GRM1: variants seen among roughly 807,000 people sequenced by gnomAD.
The protein encoded by GRM1 is metabotropic glutamate receptor 1.
A neutral mutation model predicts 90.9 loss-of-function variants in GRM1; 33 were observed. The observed-to-expected ratio is 0.36, with a 90% CI of 0.28 to 0.49. The LOEUF (loss-of-function observed/expected upper bound fraction) is 0.49, where lower values mean the gene tolerates loss of function less well. Ranked by LOEUF, GRM1 falls within the 20% of genes least tolerant of loss-of-function variation. The probability of loss-of-function intolerance (pLI) is 0.99; values close to 1 mark genes in which losing one functional copy is unlikely to be tolerated. For synonymous variants in GRM1, 700 were observed against 613.2 expected (o/e 1.14, Z -2.09); for missense variants, 1,190 against 1,534.3 (o/e 0.78, Z 3.75).
chr6:146,216,614 C>T (rs1159485873), intron 2 of GRM1, among the ~76,000 whole-genome samples: 1 of 152,200 alleles, frequency 6.6e-6, no homozygotes, highest in African/African-American at 2.4e-5. Context: ...CACAATTTAA[C>T]AGTGTAACAG....
intron 1 of GRM1, among the ~76,000 whole-genome samples, chr6:146,137,157 A>G (rs995617653): frequency 1.3e-5 from 2 of 152,078 alleles, no homozygotes; most frequent in Admixed American, 6.6e-5. Flanking sequence ...CCGGCCGCAG[A>G]AGCTTTTTAA....
intron 2 of GRM1, among the ~76,000 whole-genome samples, chr6:146,217,349 A>T (rs778145740): frequency 1.3e-5 from 2 of 152,188 alleles, no homozygotes; most frequent in Non-Finnish European, 2.9e-5. Context: ...CAATACCTTG[A>T]GTTGGTGCAT....
intron 2 of GRM1, among the ~76,000 whole-genome samples, chr6:146,221,462 T>A (rs960394133): frequency 6.6e-6 from 1 of 152,192 alleles, no homozygotes. Flanking sequence ...TTTCTGTTCC[T>A]GTGTTAGTTT....
At chr6:146,102,656 A>G (rs908222643) in intron 1 of GRM1, among the ~76,000 whole-genome samples, 4 of 152,214 alleles carry the variant, frequency 2.6e-5, no homozygotes, top group African/African-American at 9.6e-5. Context: ...TGATGAACTA[A>G]TAACTGCAGA....
At chr6:146,267,617 GGGA>G (rs1781941119) in intron 2 of GRM1, among the ~76,000 whole-genome samples, 1 of 148,582 alleles carries the variant, frequency 6.7e-6, no homozygotes, top group South Asian at 2.1e-4. Context: ...GATGTAGGCT[GGGA>G]GGCTGGGCTG....
intron 1 of GRM1, among the ~76,000 whole-genome samples, chr6:146,114,491 C>T (rs970815781): frequency 1.3e-5 from 2 of 152,010 alleles, no homozygotes; most frequent in African/African-American, 2.4e-5. Flanking sequence ...ATTGCAAAAC[C>T]AAACCAAATC....
intron 2 of GRM1, among the ~76,000 whole-genome samples, chr6:146,241,741 G>A (rs1200072280): frequency 6.6e-6 from 1 of 152,040 alleles, no homozygotes; most frequent in Non-Finnish European, 1.5e-5. Flanking sequence ...ATTTCTGTAA[G>A]AGCCCTACTC....
At chr6:146,298,748 G>A (rs1429005018) in intron 2 of GRM1, among the ~76,000 whole-genome samples, 2 of 152,132 alleles carry the variant, frequency 1.3e-5, no homozygotes, top group Non-Finnish European at 2.9e-5. Context: ...TCTAAGCCCT[G>A]ATGGGCTCAT....
intron 1 of GRM1, among the ~76,000 whole-genome samples, chr6:146,085,397 T>C (rs919964092): frequency 1.3e-5 from 2 of 152,144 alleles, no homozygotes; most frequent in African/African-American, 4.8e-5. Context: ...TGACCAGTTT[T>C]CGGAGAAGAA....
intron 2 of GRM1, among the ~76,000 whole-genome samples, chr6:146,297,649 A>AG (rs1041496314): frequency 1.3e-5 from 2 of 152,166 alleles, no homozygotes; most frequent in East Asian, 1.9e-4. Context: ...TGGGTCTGTT[A>AG]GGGGGGATTT....
intron 1 of GRM1, among the ~76,000 whole-genome samples, chr6:146,150,422 T>G (rs954022457): frequency 1.1e-4 from 16 of 152,176 alleles, no homozygotes; most frequent in Admixed American, 2.6e-4. Context: ...AAAAAATTAT[T>G]TTTATTTTTG....
intron 1 of GRM1, among the ~76,000 whole-genome samples, chr6:146,137,148 C>G (rs568518547): frequency 6.6e-6 from 1 of 152,048 alleles, no homozygotes; most frequent in Non-Finnish European, 1.5e-5. Context: ...CTACCATGCC[C>G]GGCCGCAGAA....
intron 1 of GRM1, among the ~76,000 whole-genome samples, chr6:146,040,347 C>A (rs907135208): frequency 1.3e-5 from 2 of 151,920 alleles, no homozygotes; most frequent in Non-Finnish European, 1.5e-5. Context: ...AATTTTTATA[C>A]TTTTACCTGT....
At chr6:146,206,920 T>C (rs1248114589) in intron 2 of GRM1, among the ~76,000 whole-genome samples, 1 of 152,216 alleles carries the variant, frequency 6.6e-6, no homozygotes, top group East Asian at 1.9e-4. Context: ...TTTCTGTTCC[T>C]GCATTAATTT....
intron 1 of GRM1, among the ~76,000 whole-genome samples, chr6:146,058,977 A>G (rs1392394329): frequency 1.3e-5 from 2 of 152,102 alleles, no homozygotes; most frequent in African/African-American, 2.4e-5. Context: ...TTCTCCATTG[A>G]AGTCTTAAAC....
Position 146,437,560 on chromosome 6 carries a change from A to G in GRM1, c.*2764A>G, listed in dbSNP as rs1333188072. 1 of 152,610 alleles carries G rather than the reference A, an allele frequency of 6.6e-6. No individual in the cohort carries two copies. The highest frequency in any genetic ancestry group is 1.9e-4 in the East Asian group (1 of 5,190). 9.5% of individuals were successfully genotyped at this position (152,610 alleles called of 1,614,324 possible). A position where few individuals can be genotyped will look rare whatever the true frequency, so the allele number is the denominator to read the frequency against. ...GCTTGTTACTGCCTTTTGTCAAATA[A>G]TCTTGACAATGCTGTATAATAAATA... On this transcript the variant is annotated 3_prime_UTR_variant, in exon 8 of 8. Coordinates refer to ENST00000282753, the MANE Select transcript of GRM1 (RefSeq NM_001278064.2).
chr6:146,160,210 A>G (rs1001922234), intron 2 of GRM1, among the ~76,000 whole-genome samples: 19 of 152,210 alleles, frequency 1.2e-4, no homozygotes, highest in Admixed American at 1.0e-3. Flanking sequence ...AGACAAGTGA[A>G]GATATGCAAC....
chr6:146,094,657 G>T (rs1299370031), intron 1 of GRM1, among the ~76,000 whole-genome samples: 1 of 152,042 alleles, frequency 6.6e-6, no homozygotes, highest in Admixed American at 6.6e-5. Context: ...TCTAAATGGA[G>T]CATAGTTATT....
intron 2 of GRM1, 152 bp downstream of exon 2, chr6:146,159,749 T>G (rs1345424075): frequency 2.4e-5 from 16 of 673,482 alleles, no homozygotes; most frequent in Non-Finnish European, 2.5e-5. Flanking sequence ...AGCTGAACAT[T>G]AGTTCTGGAT....
Sources: gnomAD v4.1 joint callset for allele counts (sites outside exome capture counted in the v4.1 genomes callset) on GRCh38, gnomAD v4.1.1 for gene constraint, MANE v1.5 for transcripts, NCBI Gene and HGNC (gene_info 2026-07-23, HGNC 2026-07-21) for gene names.